KCNMA1: variants seen among roughly 807,000 people sequenced by gnomAD.
KCNMA1 encodes the protein potassium calcium-activated channel subfamily M alpha 1.
Under a neutral mutation model 140.0 loss-of-function variants are expected in KCNMA1, and 29 were observed. The ratio of observed to expected loss-of-function variants is 0.21; its 90% CI spans 0.15 to 0.28. KCNMA1 has a LOEUF of 0.28. Among genes scored for constraint, KCNMA1 ranks in the 10% least tolerant of loss-of-function variants. The pLI, the probability that KCNMA1 is intolerant of heterozygous loss-of-function variation, is 1.00. For synonymous variants in KCNMA1, 612 were observed against 611.9 expected, an observed-to-expected ratio of 1.00 and a Z score of 0.00; for missense variants, 880 against 1,602.2, an observed-to-expected ratio of 0.55 and a Z score of 7.70.
At chr10:77,239,486 C>A (rs2056648644) in intron 3 of KCNMA1, among the ~76,000 whole-genome samples, 1 of 152,192 alleles carries the variant, frequency 6.6e-6, no homozygotes, top group Non-Finnish European at 1.5e-5. Flanking sequence ...TTGTTAAGGA[C>A]AACTGCATTC....
intron 19 of KCNMA1, among the ~76,000 whole-genome samples, chr10:76,997,076 T>G (rs2084625556): frequency 6.6e-6 from 1 of 152,202 alleles, no homozygotes; most frequent in South Asian, 2.1e-4. Context: ...TAAGTGACTT[T>G]AGTTCTATTG....
At chr10:77,153,922 C>A (rs925887033) in intron 5 of KCNMA1, among the ~76,000 whole-genome samples, 3 of 152,142 alleles carry the variant, frequency 2.0e-5, no homozygotes, top group African/African-American at 7.2e-5. Context: ...TTCCCAACGT[C>A]ATTTGTAAAA....
intron 1 of KCNMA1, among the ~76,000 whole-genome samples, chr10:77,413,720 TCTC>T (rs2096671751): frequency 6.6e-6 from 1 of 152,082 alleles, no homozygotes. Flanking sequence ...TGCCATCACT[TCTC>T]CTGCTCTGCA....
intron 1 of KCNMA1, among the ~76,000 whole-genome samples, chr10:77,485,981 C>T (rs866176531): frequency 6.6e-6 from 1 of 152,106 alleles, no homozygotes; most frequent in Non-Finnish European, 1.5e-5. Context: ...AAGTGTTTAT[C>T]AGCCCTACCC....
chr10:77,169,758 G>A (rs1391779916), intron 5 of KCNMA1, among the ~76,000 whole-genome samples: 1 of 152,094 alleles, frequency 6.6e-6, no homozygotes, highest in Non-Finnish European at 1.5e-5. Flanking sequence ...GAAATAATAA[G>A]CTAATTTTAC....
intron 3 of KCNMA1, among the ~76,000 whole-genome samples, chr10:77,212,888 T>A (rs1393603175): frequency 6.6e-6 from 1 of 152,228 alleles, no homozygotes; most frequent in Non-Finnish European, 1.5e-5. Context: ...CCTGCCATTA[T>A]CCTTAAAGAT....
chr10:76,880,706 C>A (rs1467017156), downstream of KCNMA1, among the ~76,000 whole-genome samples: 2 of 152,240 alleles, frequency 1.3e-5, no homozygotes, highest in South Asian at 2.1e-4. Context: ...AGAAACAATG[C>A]CAATGGGTGG....
intron 2 of KCNMA1, among the ~76,000 whole-genome samples, chr10:77,276,776 A>C (rs192298750): frequency 6.6e-6 from 1 of 152,252 alleles, no homozygotes; most frequent in Admixed American, 6.5e-5. Context: ...TACATAACCT[A>C]TCATATTATA....
chr10:76,942,971 T>A (rs1365003446), intron 23 of KCNMA1, among the ~76,000 whole-genome samples: 4 of 152,196 alleles, frequency 2.6e-5, no homozygotes, highest in African/African-American at 7.2e-5. Flanking sequence ...CTTGTTGGAA[T>A]GCAGATTCTG....
intron 18 of KCNMA1, among the ~76,000 whole-genome samples, chr10:77,004,214 CA>C (rs2087563437): frequency 1.3e-3 from 10 of 7,930 alleles, no homozygotes; most frequent in Non-Finnish European, 3.2e-3. Flanking sequence ...CAAGTGCCAC[CA>C]CACACACACA....
At chr10:76,960,357 T>C (rs1218457456) in intron 20 of KCNMA1, among the ~76,000 whole-genome samples, 3 of 151,972 alleles carry the variant, frequency 2.0e-5, no homozygotes, top group South Asian at 2.1e-4. Flanking sequence ...CTAGGCAACA[T>C]GGTAAAACCC....
chr10:77,181,676 G>A (rs146192979), intron 5 of KCNMA1, among the ~76,000 whole-genome samples: 409 of 152,270 alleles, frequency 2.7e-3, no homozygotes, highest in Non-Finnish European at 4.8e-3. Context: ...AAGTTACACT[G>A]AGGACACTTC....
At chr10:77,544,038 T>A (rs770000919) in intron 1 of KCNMA1, among the ~76,000 whole-genome samples, 1 of 152,162 alleles carries the variant, frequency 6.6e-6, no homozygotes, top group Admixed American at 6.5e-5. Context: ...TTGTTTCCTC[T>A]TAGAAATTTA....
intron 14 of KCNMA1, among the ~76,000 whole-genome samples, chr10:77,056,019 G>A (rs1054297600): frequency 1.8e-4 from 27 of 152,128 alleles, no homozygotes; most frequent in South Asian, 4.1e-4. Flanking sequence ...CACTGCCAAC[G>A]CTTTGAAAAC....
chr10:77,440,709 T>C (rs1460718489), intron 1 of KCNMA1, among the ~76,000 whole-genome samples: 1 of 152,208 alleles, frequency 6.6e-6, no homozygotes, highest in Non-Finnish European at 1.5e-5. Context: ...CATTCTGAGT[T>C]GGAGGAAGCC....
At chr10:77,634,431 T>A (rs2093530091) in intron 1 of KCNMA1, 1 of 985,318 alleles carries the variant, frequency 1.0e-6, no homozygotes, top group Admixed American at 6.1e-5. Flanking sequence ...TGAAGAGATG[T>A]CCCACGATGC....
chr10:77,179,810 T>C (rs778729164), intron 5 of KCNMA1, among the ~76,000 whole-genome samples: 5 of 152,136 alleles, frequency 3.3e-5, no homozygotes, highest in Non-Finnish European at 7.3e-5. Flanking sequence ...TCCTGCCTCA[T>C]AGGTTTGCTC....
chr10:77,460,799 G>A (rs760232404), intron 1 of KCNMA1, among the ~76,000 whole-genome samples: 5 of 152,088 alleles, frequency 3.3e-5, no homozygotes, highest in Non-Finnish European at 7.4e-5. Context: ...CGGTGAGGGG[G>A]TGTGGGATAA....
At chr10:77,520,120 C>T (rs74399354) in intron 1 of KCNMA1, among the ~76,000 whole-genome samples, 489 of 4,408 alleles carry the variant, frequency 0.11, no homozygotes, top group Middle Eastern at 0.17. Context: ...GTGTGAGGTC[C>T]GGGGTATGCA....
Sources: gnomAD v4.1 joint callset for allele counts (sites outside exome capture counted in the v4.1 genomes callset) on GRCh38, gnomAD v4.1.1 for gene constraint, MANE v1.5 for transcripts, NCBI Gene and HGNC (gene_info 2026-07-23, HGNC 2026-07-21) for gene names.